MAF: variants seen among roughly 807,000 people sequenced by gnomAD.
The protein encoded by MAF is MAF bZIP transcription factor, also known as transcription factor Maf.
Under a neutral mutation model 22.0 loss-of-function variants are expected in MAF, and 10 were observed. That is an observed-to-expected ratio of 0.45 (90% CI 0.28 to 0.77). The LOEUF is 0.77. Ranked by LOEUF, MAF falls within the 30% of genes least tolerant of loss-of-function variation. The pLI is 0.12. For synonymous variants in MAF, 337 were observed against 255.8 expected, an observed-to-expected ratio of 1.32 and a Z score of -3.03; for missense variants, 544 against 548.4, an observed-to-expected ratio of 0.99 and a Z score of 0.08.
chr16:79,501,550 CTAAGT>C, the MAF span, among the ~76,000 whole-genome samples: 1 of 150,850 alleles, frequency 6.6e-6, no homozygotes, highest in African/African-American at 2.5e-5. Flanking sequence ...CATTCAAAGT[CTAAGT>C]TAATTTTCCT....
In MAF at chr16:79,594,381, C is replaced by A; in HGVS notation, c.*79G>T. On this transcript the variant is annotated 3_prime_UTR_variant, in exon 2 of 2. Coordinates refer to ENST00000326043, the MANE Select transcript of MAF (RefSeq NM_005360.5). ...TTTAAAAAGGAGACTAAACAGAAGT[C>A]AGGGGTAGGTGGTTCTCCATGACTG... is the stretch of plus-strand genomic sequence containing the variant. 2 of 1,261,250 alleles carry A rather than the reference C, an allele frequency of 1.6e-6. No individual in the cohort carries two copies. The highest frequency in any genetic ancestry group is 2.6e-5 in the South Asian group (2 of 77,702). The allele number at this position is 1,261,250 out of a possible 1,614,324, so 78.1% of individuals were successfully genotyped here. A position where few individuals can be genotyped will look rare whatever the true frequency, so the allele number is the denominator to read the frequency against.
At chr16:79,490,778 A>G in the MAF span, among the ~76,000 whole-genome samples, 1 of 152,302 alleles carries the variant, frequency 6.6e-6, no homozygotes, top group South Asian at 2.1e-4. Flanking sequence ...CAAAACAGTG[A>G]CCATAATGCA....
the MAF span, among the ~76,000 whole-genome samples, chr16:79,267,488 C>T: frequency 1.3e-5 from 2 of 152,126 alleles, no homozygotes; most frequent in African/African-American, 4.8e-5. Context: ...CCCCTTTGCC[C>T]GCTGCTGCGG....
the MAF span, among the ~76,000 whole-genome samples, chr16:79,254,990 A>G: frequency 6.6e-6 from 1 of 152,188 alleles, no homozygotes; most frequent in African/African-American, 2.4e-5. Context: ...TAAAGCTGTA[A>G]TATTTCACTG....
At chr16:79,445,020 A>C in the MAF span, among the ~76,000 whole-genome samples, 48 of 152,144 alleles carry the variant, frequency 3.2e-4, no homozygotes, top group African/African-American at 1.1e-3. Flanking sequence ...GAAACACATA[A>C]AGATTTATTT....
At chr16:79,209,049 T>G in the MAF span, among the ~76,000 whole-genome samples, 1 of 151,984 alleles carries the variant, frequency 6.6e-6, no homozygotes, top group Admixed American at 6.5e-5. Flanking sequence ...TGTACTGTGT[T>G]CTACAAAGCC....
chr16:79,221,833 C>G, the MAF span, among the ~76,000 whole-genome samples: 52 of 152,262 alleles, frequency 3.4e-4, no homozygotes, highest in African/African-American at 1.2e-3. Context: ...ACTAATAGAT[C>G]TGTGAAGTTC....
At chr16:79,323,211 A>G in the MAF span, among the ~76,000 whole-genome samples, 1 of 143,964 alleles carries the variant, frequency 6.9e-6, no homozygotes, top group Non-Finnish European at 1.5e-5. Context: ...TAGTGATGAT[A>G]AGAGTTCAAC....
chr16:79,398,156 T>C, the MAF span, among the ~76,000 whole-genome samples: 8 of 152,224 alleles, frequency 5.3e-5, no homozygotes, highest in Middle Eastern at 3.4e-3. Flanking sequence ...TTGCTCCATC[T>C]TCAAATCAAA....
chr16:79,220,310 G>T, the MAF span, among the ~76,000 whole-genome samples: 6 of 150,786 alleles, frequency 4.0e-5, no homozygotes, highest in Non-Finnish European at 8.9e-5. Context: ...ATTTAAGTTT[G>T]GGGGGCAGGA....
At chr16:79,284,723 T>C in the MAF span, among the ~76,000 whole-genome samples, 4 of 152,214 alleles carry the variant, frequency 2.6e-5, no homozygotes, top group African/African-American at 9.7e-5. Context: ...CTTTCCACTT[T>C]AACTTCCGTT....
At chr16:79,447,905 A>AAAAAGAAAG in the MAF span, among the ~76,000 whole-genome samples, 3 of 85,808 alleles carry the variant, frequency 3.5e-5, no homozygotes, top group Non-Finnish European at 4.1e-5. Flanking sequence ...AAAAAAAAAA[A>AAAAAGAAAG]AAAAGAAAAG....
At chr16:79,333,173 G>A in the MAF span, among the ~76,000 whole-genome samples, 1 of 152,194 alleles carries the variant, frequency 6.6e-6, no homozygotes, top group Non-Finnish European at 1.5e-5. Context: ...TCCTGGCTCT[G>A]GACTGCGTTG....
the MAF span, among the ~76,000 whole-genome samples, chr16:79,489,345 TTATCCATCCATCCATC>T: frequency 6.6e-6 from 1 of 152,114 alleles, no homozygotes; most frequent in African/African-American, 2.4e-5. Context: ...ATTCATCTAT[TTATCCATCCATCCATC>T]TATCCATCCA....
At chr16:79,253,168 G>A in the MAF span, among the ~76,000 whole-genome samples, 1 of 152,252 alleles carries the variant, frequency 6.6e-6, no homozygotes, top group East Asian at 1.9e-4. Flanking sequence ...GCAAGGCACA[G>A]CCCTGACGCA....
the MAF span, among the ~76,000 whole-genome samples, chr16:79,541,421 G>A: frequency 5.9e-4 from 89 of 152,070 alleles, no homozygotes; most frequent in East Asian, 0.014. Context: ...GAAGGAGCCT[G>A]CGTCAGTCCC....
the MAF span, among the ~76,000 whole-genome samples, chr16:79,274,976 G>A: frequency 6.6e-6 from 1 of 152,170 alleles, no homozygotes; most frequent in East Asian, 1.9e-4. Flanking sequence ...ACTATTGCAT[G>A]GTAGTGACCT....
chr16:79,355,758 C>A, the MAF span, among the ~76,000 whole-genome samples: 1 of 152,158 alleles, frequency 6.6e-6, no homozygotes, highest in Non-Finnish European at 1.5e-5. Flanking sequence ...GAGATAGGAA[C>A]AGATCAACTC....
At chr16:79,501,345 C>A in the MAF span, among the ~76,000 whole-genome samples, 1 of 152,112 alleles carries the variant, frequency 6.6e-6, no homozygotes, top group Non-Finnish European at 1.5e-5. Flanking sequence ...TCCAGTATAA[C>A]CTCACCTTAA....
Sources: gnomAD v4.1 joint callset for allele counts (sites outside exome capture counted in the v4.1 genomes callset) on GRCh38, gnomAD v4.1.1 for gene constraint, MANE v1.5 for transcripts, NCBI Gene and HGNC (gene_info 2026-07-23, HGNC 2026-07-21) for gene names.